ALDH1L1: variants seen among roughly 807,000 people sequenced by gnomAD.
The protein encoded by ALDH1L1 is aldehyde dehydrogenase 1 family member L1.
In ALDH1L1, 68 loss-of-function variants were observed where a neutral mutation model predicts 101.1. The observed-to-expected ratio is 0.67, with a 90% CI of 0.55 to 0.82. The LOEUF is 0.82. Ranked by LOEUF, ALDH1L1 falls within the 40% of genes least tolerant of loss-of-function variation. The pLI, the probability that ALDH1L1 is intolerant of heterozygous loss-of-function variation, is 0.00. For synonymous variants in ALDH1L1, 486 were observed against 470.8 expected (o/e 1.03, Z -0.42); for missense variants, 1,087 against 1,172.7 (o/e 0.93, Z 1.07).
intron 1 of ALDH1L1, among the ~76,000 whole-genome samples, chr3:126,174,084 G>T (rs1407844799): frequency 6.6e-6 from 1 of 152,182 alleles, no homozygotes. Flanking sequence ...TGTTGCCCAG[G>T]CTGGAGTGCA....
intron 2 of ALDH1L1, 109 bp downstream of exon 2, chr3:126,160,744 A>G: frequency 6.7e-7 from 1 of 1,497,424 alleles, no homozygotes; most frequent in Non-Finnish European, 9.0e-7. Flanking sequence ...TCCCAGCTAG[A>G]GCACAGGCCC....
intron 16 of ALDH1L1, among the ~76,000 whole-genome samples, chr3:126,121,298 G>C (rs1373483120): frequency 6.6e-6 from 1 of 152,152 alleles, no homozygotes; most frequent in African/African-American, 2.4e-5. Flanking sequence ...TATGCCACTC[G>C]GTTTGCAGTG....
At chr3:126,114,907 C>T (rs1198546404) in intron 17 of ALDH1L1, 1 of 559,690 alleles carries the variant, frequency 1.8e-6, no homozygotes, top group South Asian at 1.5e-5. Context: ...CCACTCCACA[C>T]CTCATTTCCT....
intron 19 of ALDH1L1, chr3:126,110,324 G>A (rs112173936): frequency 3.3e-6 from 2 of 610,914 alleles, no homozygotes; most frequent in African/African-American, 1.8e-5. Flanking sequence ...AAGGAGACAG[G>A]AGCCCAGCAA....
Position 126,157,459 on chromosome 3 carries a change from C to T in ALDH1L1, c.412G>A (p.Asp138Asn). The change falls in exon 4 of 23, where the codon GAT (aspartate) becomes AAT (asparagine). Residue 138 changes from aspartate to asparagine, a missense_variant. Coordinates refer to ENST00000393434, the MANE Select transcript of ALDH1L1 (RefSeq NM_012190.4). Reference sequence around the variant, plus strand: ...AGGTCTCCGGTGTCCAGACCATCATCCGCCCAGAAGATGGAAAACCCCCCT... The same window carrying T: ...AGGTCTCCGGTGTCCAGACCATCATTCGCCCAGAAGATGGAAAACCCCCCT... Reference protein sequence around the residue: ...KKGGFSIFWADDGLDTGDLLL... With the variant: ...KKGGFSIFWANDGLDTGDLLL... 6.2e-7 allele frequency: 1 copy of T among 1,614,104 alleles called. No homozygotes were observed. The highest frequency in any genetic ancestry group is 8.5e-7 in the Non-Finnish European group (1 of 1,180,014).
At chr3:126,149,422 A>G (rs1464832921) in intron 8 of ALDH1L1, among the ~76,000 whole-genome samples, 3 of 152,228 alleles carry the variant, frequency 2.0e-5, no homozygotes, top group South Asian at 2.1e-4. Context: ...ACCCCAGCTC[A>G]TCCCCAGAGC....
intron 8 of ALDH1L1, among the ~76,000 whole-genome samples, chr3:126,147,308 C>A (rs1301098862): frequency 6.6e-6 from 1 of 152,206 alleles, no homozygotes; most frequent in Non-Finnish European, 1.5e-5. Context: ...TTGGTGCTAG[C>A]GCCCAGGTTC....
chr3:126,187,424 C>T lies in ALDH1L1; in HGVS notation c.-24+10311G>A, dbSNP rs567110800. Among the ~76,000 whole-genome samples the T allele has an allele frequency of 3.3e-5, 5 of 152,194 alleles. No homozygotes were observed. The East Asian group carries it at 9.7e-4, about 30-fold the overall frequency. ...GTTGGTACAAGATCCCCCCTTGTGG[C>T]TTTCCTTCTCTCTCTAAAGAGTGGA... On this transcript the variant is annotated intron_variant, in intron 1 of 2. Coordinates refer to the ALDH1L1 transcript ENST00000509952.
rs1334722616 is a variant in ALDH1L1 at position 126,125,650 on chromosome 3, G to C, written c.1766C>G (p.Ala589Gly). ...CTTGATCACCACTGTGTTCCCGGCA[G>C]CCAGGCAGGCAGCTGTCTTCCAGGA... The part of the protein sequence containing the change: ...MLSWKTAACL[A>G]AGNTVVIKPA... Residue 589 changes from alanine (A) to glycine (G), a missense_variant, in exon 15 of 23, where the codon GCT becomes GGT. This residue lies in a region of ALDH1L1 where 442 missense variants were observed against 535.7 expected (regional missense o/e 0.83). Transcript: ENST00000393434. 6.3e-7 allele frequency: 1 copy of C among 1,599,488 alleles called. No individual in the cohort carries two copies. The highest frequency in any genetic ancestry group is 8.5e-7 in the Non-Finnish European group (1 of 1,172,070).
At chr3:126,121,683 T>C (rs2080082348) in intron 16 of ALDH1L1, among the ~76,000 whole-genome samples, 1 of 152,192 alleles carries the variant, frequency 6.6e-6, no homozygotes, top group Non-Finnish European at 1.5e-5. Flanking sequence ...TGGAGAAACA[T>C]TCTTCAAGAA....
chr3:126,104,882 G>A lies in ALDH1L1; in HGVS notation c.2653+844C>T, dbSNP rs80059760. The A allele has an allele frequency of 3.7e-3, 565 of 152,952 alleles. 5 individuals are homozygous for A. Among genetic ancestry groups the A allele is most frequent in the East Asian group, 0.035 (182 of 5,172 alleles). The allele number at this position is 152,952 out of a possible 1,614,324, so 9.5% of individuals were successfully genotyped here. On this transcript the variant is annotated intron_variant, in intron 22 of 22. Coordinates refer to ENST00000393434, the MANE Select transcript of ALDH1L1 (RefSeq NM_012190.4). ...CACAGGAGCCTGGAGAGACAGGTGG[G>A]ACCTCTGAGACAGCATATGGCTTCC... is the stretch of plus-strand genomic sequence containing the variant.
intron 1 of ALDH1L1, among the ~76,000 whole-genome samples, chr3:126,162,676 C>A (rs2081085567): frequency 6.6e-6 from 1 of 152,082 alleles, no homozygotes; most frequent in South Asian, 2.1e-4. Context: ...TTTTGATGAA[C>A]AGATGTTCTT....
chr3:126,190,467 C>G (rs893941010), intron 1 of ALDH1L1, among the ~76,000 whole-genome samples: 1 of 152,200 alleles, frequency 6.6e-6, no homozygotes, highest in East Asian at 1.9e-4. Flanking sequence ...CTATCCAGGG[C>G]CTCCATGGGT....
intron 19 of ALDH1L1, 54 bp from the exon 20 acceptor site, chr3:126,110,163 A>G: frequency 1.2e-6 from 2 of 1,602,106 alleles, no homozygotes; most frequent in Non-Finnish European, 1.7e-6. Context: ...GTTTCTGACA[A>G]TGATCCTCAC....
At position 126,131,491 on chromosome 3, in the gene ALDH1L1, T is replaced by A; in HGVS notation, c.1516A>T (p.Ile506Phe). ...MEQHQEELAT[I>F]EALDAGAVYT... ...ACGGCACCCGCATCCAGGGCCTCAA[T>A]GGTGGCCAGCTCCTCCTGGTGCTGC... Residue 506 changes from isoleucine (I) to phenylalanine (F), a missense_variant, in exon 13 of 23, where the codon ATT (isoleucine) becomes TTT (phenylalanine). This residue lies in a region of ALDH1L1 where 442 missense variants were observed against 535.7 expected (regional missense o/e 0.83). Coordinates refer to ENST00000393434, the MANE Select transcript of ALDH1L1 (RefSeq NM_012190.4). 1 of 1,612,970 alleles carries A rather than the reference T, an allele frequency of 6.2e-7. No individual in the cohort carries two copies. The highest frequency in any genetic ancestry group is 8.5e-7 in the Non-Finnish European group (1 of 1,179,072).
chr3:126,169,520 CAT>C (rs754102431), intron 1 of ALDH1L1, among the ~76,000 whole-genome samples: 1 of 152,178 alleles, frequency 6.6e-6, no homozygotes, highest in Non-Finnish European at 1.5e-5. Context: ...AAACTGGCCT[CAT>C]ATTTTGTGTG....
chr3:126,110,228 T>C, intron 19 of ALDH1L1, 119 bp from the exon 20 acceptor site: 1 of 1,309,344 alleles, frequency 7.6e-7, no homozygotes, highest in Non-Finnish European at 1.0e-6. Context: ...TGTTCTAGCC[T>C]CAGGGCTTTC....
In ALDH1L1 at chr3:126,157,480, C is replaced by A; in HGVS notation, c.391G>T (p.Gly131Trp). The change falls in exon 4 of 23, where the codon GGG (glycine) becomes TGG (tryptophan). Residue 131 changes from glycine to tryptophan, a missense_variant. By Grantham distance (184) the Gly-to-Trp change is radical. This residue lies in a region of ALDH1L1 where 645 missense variants were observed against 637.0 expected (regional missense o/e 1.01). Coordinates refer to ENST00000393434, the MANE Select transcript of ALDH1L1 (RefSeq NM_012190.4). The stretch of plus-strand genomic sequence containing the variant: ...TCATCCGCCCAGAAGATGGAAAACC[C>A]CCCTTTCTTATCTCCGTGAATGAGG... ...WTLIHGDKKG[G>W]FSIFWADDGL... The A allele has an allele frequency of 6.2e-7, 1 of 1,614,022 alleles. No individual in the cohort carries two copies. Among genetic ancestry groups the A allele is most frequent in the Non-Finnish European group, 8.5e-7 (1 of 1,179,986 alleles).
intron 15 of ALDH1L1, among the ~76,000 whole-genome samples, chr3:126,124,848 T>G (rs1031774309): frequency 6.6e-6 from 1 of 152,262 alleles, no homozygotes; most frequent in Non-Finnish European, 1.5e-5. Context: ...TTGAAATGCT[T>G]GAGGCATGCC....
Sources: allele counts gnomAD v4.1 joint callset (sites outside exome capture counted in the v4.1 genomes callset), GRCh38; gene constraint gnomAD v4.1.1; regional missense constraint gnomAD v4.1.1; transcripts MANE v1.5; gene names NCBI Gene and HGNC (gene_info 2026-07-23, HGNC 2026-07-21).